The following DTNA variants were observed in gnomAD, a reference collection of about 807,000 sequenced individuals.
The protein encoded by DTNA is dystrobrevin alpha.
Under a neutral mutation model 100.7 loss-of-function variants are expected in DTNA, and 43 were observed. That is an observed-to-expected ratio of 0.43 (90% CI 0.33 to 0.55). DTNA has a LOEUF of 0.55. Ranked by LOEUF, DTNA falls within the 20% of genes least tolerant of loss-of-function variation. DTNA has a pLI of 0.04. For synonymous variants in DTNA, 349 were observed against 347.9 expected (o/e 1.00, Z -0.04); for missense variants, 798 against 953.9 (o/e 0.84, Z 2.15).
At chr18:34,698,294 A>G (rs577916385) in intron 1 of DTNA, among the ~76,000 whole-genome samples, 91 of 152,336 alleles carry the variant, frequency 6.0e-4, no homozygotes, top group African/African-American at 1.9e-3. Flanking sequence ...GCTTCAAACA[A>G]TAGAAATTTT....
At chr18:34,881,957 G>A (rs1043749042) in intron 20 of DTNA, 112 bp from the exon 21 acceptor site, 164 of 1,445,962 alleles carry the variant, frequency 1.1e-4, no homozygotes, top group Middle Eastern at 5.4e-4. Context: ...AAAGTGACTT[G>A]GAGAACTAAG....
intron 15 of DTNA, among the ~76,000 whole-genome samples, chr18:34,852,130 A>G (rs1352769346): frequency 6.6e-6 from 1 of 152,190 alleles, no homozygotes; most frequent in Non-Finnish European, 1.5e-5. Flanking sequence ...CGGCGTGTGC[A>G]TGTATGTGTA....
At chr18:34,648,720 A>C (rs1359976607) in intron 1 of DTNA, among the ~76,000 whole-genome samples, 12 of 152,208 alleles carry the variant, frequency 7.9e-5, no homozygotes, top group Admixed American at 7.9e-4. Context: ...CAAGCATTTA[A>C]ACTTAGGCTA....
chr18:34,687,968 T>C (rs1359915326), intron 1 of DTNA, among the ~76,000 whole-genome samples: 1 of 152,146 alleles, frequency 6.6e-6, no homozygotes, highest in African/African-American at 2.4e-5. Flanking sequence ...ACTTCTGCTT[T>C]TTTTTTTCTT....
intron 1 of DTNA, among the ~76,000 whole-genome samples, chr18:34,737,360 A>T (rs751863266): frequency 7.2e-5 from 11 of 152,206 alleles, no homozygotes; most frequent in Admixed American, 1.3e-4. Context: ...TAAGCGAAAT[A>T]GTAATTATTT....
rs1313309753 is a variant in DTNA at position 34,746,244 on chromosome 18, T to C, written c.-1-9732T>C. Among the ~76,000 whole-genome samples, 3 of 152,122 alleles carry C rather than the reference T, an allele frequency of 2.0e-5. No homozygotes were observed. In the East Asian group the frequency reaches 5.8e-4, roughly 29 times the overall value. ...TTCATTTATACCTAATCCTGCAGAT[T>C]ATTTGTTTTTATTTATTTAATATGT... On this transcript the variant is annotated intron_variant, in intron 1 of 22. Coordinates refer to ENST00000444659, the MANE Select transcript of DTNA (RefSeq NM_001386795.1).
intron 1 of DTNA, among the ~76,000 whole-genome samples, chr18:34,576,799 T>C (rs1349518323): frequency 1.3e-5 from 2 of 152,078 alleles, no homozygotes; most frequent in Non-Finnish European, 1.5e-5. Context: ...GGAAAATGAA[T>C]GAGGTTGTTT....
intron 1 of DTNA, among the ~76,000 whole-genome samples, chr18:34,749,355 T>A (rs137947990): frequency 2.2e-3 from 339 of 152,266 alleles, no homozygotes; most frequent in African/African-American, 8.0e-3. Context: ...CAGTACTGTG[T>A]TGAATAGAAG....
chr18:34,615,592 A>G (rs1190301844), intron 1 of DTNA, among the ~76,000 whole-genome samples: 2 of 152,114 alleles, frequency 1.3e-5, no homozygotes, highest in African/African-American at 2.4e-5. Context: ...TTTCAGAAGT[A>G]GATGTACAAG....
Position 34,884,624 on chromosome 18 carries a change from C to CTG in DTNA, c.2296-103_2296-102insGT, listed in dbSNP as rs1487273265. 6 of 1,220,662 alleles carry CTG rather than the reference C, an allele frequency of 4.9e-6. No homozygotes were observed. In the African/African-American group the frequency reaches 6.0e-5, roughly 12 times the overall value. 75.6% of individuals were successfully genotyped at this position (1,220,662 alleles called of 1,614,324 possible). On this transcript the variant is annotated intron_variant, in intron 21 of 22. Transcript: ENST00000444659. ...CTCTCACTCAATAGACTCTCTCTCT[C>CTG]TCTGTGTCTTTGTGCATGGCTTCCC... is the stretch of plus-strand genomic sequence containing the variant.
intron 1 of DTNA, among the ~76,000 whole-genome samples, chr18:34,600,003 T>C (rs900342559): frequency 6.6e-6 from 1 of 152,164 alleles, no homozygotes; most frequent in Non-Finnish European, 1.5e-5. Context: ...GTATCTTTCA[T>C]TGATATTTTA....
At chr18:34,695,376 A>C (rs1038646337) in intron 1 of DTNA, among the ~76,000 whole-genome samples, 2 of 152,214 alleles carry the variant, frequency 1.3e-5, no homozygotes, top group Admixed American at 6.5e-5. Context: ...AAAGGTAATA[A>C]TCTAGCTCAG....
intron 1 of DTNA, among the ~76,000 whole-genome samples, chr18:34,729,602 T>C (rs1191257838): frequency 6.6e-6 from 1 of 152,206 alleles, no homozygotes; most frequent in Non-Finnish European, 1.5e-5. Flanking sequence ...TCAAATAAAC[T>C]AAAATAATTT....
At chr18:34,821,030 TAA>T in intron 9 of DTNA, 115 bp downstream of exon 9, 2 of 1,377,486 alleles carry the variant, frequency 1.5e-6, no homozygotes, top group Non-Finnish European at 2.0e-6. Flanking sequence ...TAATTTAGTT[TAA>T]AAAAAAAAGT....
At chr18:34,628,794 T>C (rs892591917) in intron 1 of DTNA, among the ~76,000 whole-genome samples, 5 of 152,184 alleles carry the variant, frequency 3.3e-5, no homozygotes, top group African/African-American at 1.2e-4. Flanking sequence ...TGTCACACTT[T>C]ATAAGCTTAT....
At chr18:34,714,702 A>C (rs1281629043) in intron 1 of DTNA, among the ~76,000 whole-genome samples, 8 of 152,076 alleles carry the variant, frequency 5.3e-5, no homozygotes, top group Non-Finnish European at 1.2e-4. Context: ...TAGAACTAGA[A>C]ATACCATTTG....
rs28424138 is a variant in DTNA, at chr18:34,585,168, C to T, written c.-2+91654C>T. Among the ~76,000 whole-genome samples, 1,474 of 152,028 alleles carry T rather than the reference C, an allele frequency of 9.7e-3. 4 individuals carry two copies. Among genetic ancestry groups the T allele is most frequent in the South Asian group, 0.029 (138 of 4,804 alleles). ...AAAGAAAAACAAAGAATTCAGGGAA[C>T]GGGACCCAAACTACAGAGAGGCAAA... On this transcript the variant is annotated intron_variant, in intron 1 of 19. Transcript: ENST00000283365.
At chr18:34,814,356 C>T (rs1244278892) in intron 6 of DTNA, among the ~76,000 whole-genome samples, 1 of 151,962 alleles carries the variant, frequency 6.6e-6, no homozygotes. Context: ...CATTCAAAAT[C>T]AGCTAGAATA....
In DTNA at chr18:34,793,993, T is replaced by C. The variant is rs144356660; in HGVS notation, c.149-44T>C. The C allele has an allele frequency of 2.5e-6, 4 of 1,593,956 alleles. No individual in the cohort carries two copies. The African/African-American group carries it at 5.4e-5, about 21-fold the overall frequency. On this transcript the variant is annotated intron_variant, in intron 3 of 22. Coordinates refer to ENST00000444659, the MANE Select transcript of DTNA (RefSeq NM_001386795.1). ...GGTCATGTAAACTGATGTATTTGCC[T>C]TCCATTACTTTGGGCTGATGTGTTA...
Sources: gnomAD v4.1 joint callset for allele counts (sites outside exome capture counted in the v4.1 genomes callset) on GRCh38, gnomAD v4.1.1 for gene constraint, MANE v1.5 for transcripts, NCBI Gene and HGNC (gene_info 2026-07-23, HGNC 2026-07-21) for gene names.